CADM2: variants seen among roughly 807,000 people sequenced by gnomAD.
CADM2 encodes immunoglobulin superfamily member 4D.
Under a neutral mutation model 49.8 loss-of-function variants are expected in CADM2, and 12 were observed. The ratio of observed to expected loss-of-function variants is 0.24; its 90% CI spans 0.15 to 0.39. The LOEUF is 0.39. Among genes scored for constraint, CADM2 ranks in the 10% least tolerant of loss-of-function variants. The probability of loss-of-function intolerance (pLI) is 1.00; values close to 1 mark genes in which losing one functional copy is unlikely to be tolerated. For missense variants in CADM2, 378 were observed against 492.3 expected (o/e 0.77, Z 2.20); for synonymous variants, 214 against 175.4 (o/e 1.22, Z -1.74).
chr3:85,369,063 C>A (rs374989966), intron 1 of CADM2, among the ~76,000 whole-genome samples: 36 of 152,166 alleles, frequency 2.4e-4, no homozygotes, highest in African/African-American at 8.4e-4. Flanking sequence ...CCTTCTAAAA[C>A]GTTTACTGGT....
intron 1 of CADM2, among the ~76,000 whole-genome samples, chr3:85,221,621 G>A (rs2042045885): frequency 6.6e-6 from 1 of 152,040 alleles, no homozygotes; most frequent in South Asian, 2.1e-4. Flanking sequence ...CATAAGCAGG[G>A]CATGAGAAAT....
chr3:85,473,895 CTTGTTAACTT>C (rs2038870941), intron 1 of CADM2, among the ~76,000 whole-genome samples: 1 of 151,954 alleles, frequency 6.6e-6, no homozygotes, highest in Non-Finnish European at 1.5e-5. Context: ...AGCAATGCCT[CTTGTTAACTT>C]GTGAATGCAG....
intron 1 of CADM2, among the ~76,000 whole-genome samples, chr3:85,320,862 A>C (rs2044580209): frequency 6.6e-6 from 1 of 151,482 alleles, no homozygotes; most frequent in African/African-American, 2.4e-5. Context: ...ATTGTGGTTT[A>C]TATCTCTGAA....
intron 1 of CADM2, among the ~76,000 whole-genome samples, chr3:85,634,174 T>G (rs537577875): frequency 6.6e-6 from 1 of 152,098 alleles, no homozygotes; most frequent in Admixed American, 6.6e-5. Flanking sequence ...ATGAAGTAAC[T>G]AGGTATAAAC....
At chr3:85,831,387 C>G (rs1472880684) in intron 3 of CADM2, among the ~76,000 whole-genome samples, 1 of 151,914 alleles carries the variant, frequency 6.6e-6, no homozygotes, top group Non-Finnish European at 1.5e-5. Context: ...TCTGTTTTAA[C>G]TTCTTTAAAA....
In CADM2 at chr3:85,180,038, AATT is replaced by A. The variant is rs2040887340; in HGVS notation, c.61+220374_61+220376del. Among the ~76,000 whole-genome samples, 2 of 152,136 alleles carry A rather than the reference AATT, an allele frequency of 1.3e-5. 1 individual carries two copies. The highest frequency in any genetic ancestry group is 4.1e-4 in the South Asian group (2 of 4,838). On this transcript the variant is annotated intron_variant, in intron 1 of 9. Transcript: ENST00000383699. ...TGGAAATATAGACAAGTACATAAGA[AATT>A]ATTTATTGATATTATGTTATATAAA...
chr3:84,979,393 T>A (rs2107128605), intron 1 of CADM2, among the ~76,000 whole-genome samples: 1 of 152,246 alleles, frequency 6.6e-6, no homozygotes, highest in East Asian at 1.9e-4. Context: ...TAAATCTTAT[T>A]GTTACATGAT....
intron 3 of CADM2, among the ~76,000 whole-genome samples, chr3:85,843,285 G>T (rs903029429): frequency 2.0e-5 from 3 of 151,964 alleles, no homozygotes; most frequent in Non-Finnish European, 1.5e-5. Flanking sequence ...AAGTGCATGG[G>T]AATCAATAGC....
At chr3:85,212,855 T>TTTC (rs1491408628) in intron 1 of CADM2, among the ~76,000 whole-genome samples, 1 of 126,436 alleles carries the variant, frequency 7.9e-6, no homozygotes, top group Non-Finnish European at 1.6e-5. Context: ...TCTTTCTTTC[T>TTTC]TTCTTTCTTT....
At chr3:85,596,157 AT>A (rs912001769) in intron 1 of CADM2, among the ~76,000 whole-genome samples, 1 of 151,750 alleles carries the variant, frequency 6.6e-6, no homozygotes, top group African/African-American at 2.4e-5. Context: ...GTTTATTTAT[AT>A]ATTTTATTTT....
At chr3:85,652,796 T>TTTTTTTTTTG (rs869310296) in intron 1 of CADM2, among the ~76,000 whole-genome samples, 3 of 143,340 alleles carry the variant, frequency 2.1e-5, no homozygotes, top group Non-Finnish European at 3.0e-5. Flanking sequence ...TTTTTTTTTT[T>TTTTTTTTTTG]AGACAGAGTC....
intron 6 of CADM2, among the ~76,000 whole-genome samples, chr3:85,913,710 G>C (rs548657770): frequency 9.3e-4 from 141 of 152,090 alleles, no homozygotes; most frequent in African/African-American, 3.2e-3. Context: ...TTCTAGGTAG[G>C]GATGAAAAAA....
chr3:85,798,678 G>A (rs1338614976), intron 2 of CADM2, among the ~76,000 whole-genome samples: 1 of 152,092 alleles, frequency 6.6e-6, no homozygotes, highest in African/African-American at 2.4e-5. Context: ...GCAGCCTTGT[G>A]ATATAGTTTT....
chr3:85,689,793 A>G (rs2066328077), intron 1 of CADM2, among the ~76,000 whole-genome samples: 1 of 152,238 alleles, frequency 6.6e-6, no homozygotes. Flanking sequence ...GACTAGACTT[A>G]AAGCAGTGCC....
chr3:85,183,608 G>A (rs952644578), intron 1 of CADM2, among the ~76,000 whole-genome samples: 10 of 152,124 alleles, frequency 6.6e-5, no homozygotes, highest in Admixed American at 5.9e-4. Context: ...TGATTTCATC[G>A]TGATTTTGTA....
rs55882841 is a variant in CADM2 at position 85,442,588 on chromosome 3, G to GTATATATATATA, written c.62-283900_62-283889dup. On this transcript the variant is annotated intron_variant, in intron 1 of 9. Transcript: ENST00000383699. ...TATTTAAAATAATGCTTATATATGAGTATATATATATATATATATATATAT... is the reference window on the plus strand; with the variant it reads ...TATTTAAAATAATGCTTATATATGAGTATATATATATATATATATATATATATATATATATAT... Among the ~76,000 whole-genome samples the GTATATATATATA allele has an allele frequency of 7.4e-5, 9 of 120,930 alleles. 1 individual carries two copies. The highest frequency in any genetic ancestry group is 5.0e-4 in the South Asian group (2 of 3,964). 79.3% of individuals were successfully genotyped at this position (120,930 alleles called of 152,430 possible).
chr3:85,914,763 G>A (rs1333893265), intron 6 of CADM2, among the ~76,000 whole-genome samples: 1 of 152,196 alleles, frequency 6.6e-6, no homozygotes, highest in African/African-American at 2.4e-5. Context: ...GTAAGAAAGA[G>A]TGAGAAGAGA....
At chr3:85,619,418 T>C (rs2063904479) in intron 1 of CADM2, among the ~76,000 whole-genome samples, 1 of 152,108 alleles carries the variant, frequency 6.6e-6, no homozygotes, top group African/African-American at 2.4e-5. Context: ...TAATTATTTC[T>C]AATCAACTGT....
At chr3:85,691,978 G>A (rs1051324094) in intron 1 of CADM2, among the ~76,000 whole-genome samples, 1 of 152,130 alleles carries the variant, frequency 6.6e-6, no homozygotes, top group Non-Finnish European at 1.5e-5. Context: ...CCTGTTGTGG[G>A]GTGGGAGAAG....
Sources: allele counts gnomAD v4.1 joint callset (sites outside exome capture counted in the v4.1 genomes callset), GRCh38; gene constraint gnomAD v4.1.1; transcripts MANE v1.5; gene names NCBI Gene and HGNC (gene_info 2026-07-23, HGNC 2026-07-21).